The following ELOVL5 variants were observed in gnomAD, a reference collection of about 807,000 sequenced individuals.
ELOVL5 encodes very long chain fatty acid elongase 5.
A neutral mutation model predicts 38.6 loss-of-function variants in ELOVL5; 8 were observed. The ratio of observed to expected loss-of-function variants is 0.21; its 90% CI spans 0.12 to 0.37. ELOVL5 has a LOEUF of 0.37. Ranked by LOEUF, ELOVL5 falls within the 10% of genes least tolerant of loss-of-function variation. The pLI, the probability that ELOVL5 is intolerant of heterozygous loss-of-function variation, is 1.00. For missense variants in ELOVL5, 280 were observed against 367.8 expected (o/e 0.76, Z 1.95); for synonymous variants, 127 against 133.7 (o/e 0.95, Z 0.34).
chr6:53,270,451 G>T, intron 7 of ELOVL5, 142 bp downstream of exon 7: 1 of 829,108 alleles, frequency 1.2e-6, no homozygotes, highest in Non-Finnish European at 1.9e-6. Context: ...CCAGAGGCAG[G>T]GGCTGCTCTT....
At chr6:53,318,199 A>C (rs1431079614) in intron 1 of ELOVL5, among the ~76,000 whole-genome samples, 1 of 152,200 alleles carries the variant, frequency 6.6e-6, no homozygotes, top group Non-Finnish European at 1.5e-5. Flanking sequence ...TTTCCTATAG[A>C]AAATATGGAA....
intron 3 of ELOVL5, among the ~76,000 whole-genome samples, chr6:53,280,908 T>C (rs1051199405): frequency 2.6e-5 from 4 of 152,194 alleles, no homozygotes; most frequent in African/African-American, 9.7e-5. Flanking sequence ...AGTGAATCAT[T>C]TTTAACGGTG....
At chr6:53,296,128 A>C (rs1766993548) in intron 1 of ELOVL5, among the ~76,000 whole-genome samples, 1 of 152,108 alleles carries the variant, frequency 6.6e-6, no homozygotes, top group East Asian at 1.9e-4. Context: ...CAGTGACAAG[A>C]CAGTTTTTTC....
rs1308027989 is a variant in ELOVL5 at position 53,348,929 on chromosome 6, A to G, written c.-121T>C. The G allele has an allele frequency of 1.8e-5, 8 of 440,660 alleles. No homozygotes were observed. Among genetic ancestry groups the G allele is most frequent in the Admixed American group, 1.5e-4 (6 of 39,880 alleles). The allele number at this position is 440,660 out of a possible 1,614,324, so 27.3% of individuals were successfully genotyped here. On this transcript the variant is annotated 5_prime_UTR_variant, in exon 1 of 8. Transcript: ENST00000304434. The stretch of plus-strand genomic sequence containing the variant: ...GATGTAGAAGGAGACACCGGTGGCT[A>G]GGACCCGCGCGATGGGAAGAGGAAG...
rs570995760 is a variant in ELOVL5, at chr6:53,307,912, A to G, written c.-8-12205T>C. Reference sequence around the variant, plus strand: ...AAAAGGGGGCTGAGTTGCCAAAGTCACAGAGGTTGGGTGGAGCCAGAATTT... The same window carrying G: ...AAAAGGGGGCTGAGTTGCCAAAGTCGCAGAGGTTGGGTGGAGCCAGAATTT... On this transcript the variant is annotated intron_variant, in intron 1 of 7. Transcript: ENST00000304434. Among the ~76,000 whole-genome samples the G allele has an allele frequency of 3.8e-4, 58 of 152,336 alleles. No homozygotes were observed. In the East Asian group the frequency reaches 6.6e-3, roughly 17 times the overall value.
chr6:53,275,676 T>C (rs1203232377), intron 4 of ELOVL5, among the ~76,000 whole-genome samples: 1 of 152,152 alleles, frequency 6.6e-6, no homozygotes, highest in African/African-American at 2.4e-5. Context: ...ACCTGATAAG[T>C]GACACAGAAG....
chr6:53,339,194 A>G (rs1769214120), intron 1 of ELOVL5, among the ~76,000 whole-genome samples: 1 of 152,208 alleles, frequency 6.6e-6, no homozygotes, highest in African/African-American at 2.4e-5. Flanking sequence ...CTGTGTATTC[A>G]TCTCCTCTAT....
chr6:53,276,541 T>C (rs1352857643), intron 3 of ELOVL5, among the ~76,000 whole-genome samples: 1 of 152,178 alleles, frequency 6.6e-6, no homozygotes, highest in Non-Finnish European at 1.5e-5. Context: ...CGTCACCCCC[T>C]TGGTCCTAGC....
At chr6:53,273,409 A>C in intron 5 of ELOVL5, 65 bp from the exon 6 acceptor site, 1 of 1,425,612 alleles carries the variant, frequency 7.0e-7, no homozygotes, top group African/African-American at 1.4e-5. Context: ...AGGTGGTAAA[A>C]AAAAAAAAAA....
At chr6:53,301,833 A>G (rs1581951202) in intron 1 of ELOVL5, among the ~76,000 whole-genome samples, 1 of 152,308 alleles carries the variant, frequency 6.6e-6, no homozygotes, top group East Asian at 1.9e-4. Context: ...TTTGGTAACC[A>G]TGCAACTATA....
chr6:53,323,075 G>A (rs1314025093), intron 1 of ELOVL5, among the ~76,000 whole-genome samples: 3 of 152,198 alleles, frequency 2.0e-5, no homozygotes, highest in Non-Finnish European at 4.4e-5. Context: ...GCCTGCACTT[G>A]TTGGAAAATG....
intron 1 of ELOVL5, among the ~76,000 whole-genome samples, chr6:53,314,209 C>T (rs986254222): frequency 2.0e-5 from 3 of 152,178 alleles, no homozygotes; most frequent in African/African-American, 7.2e-5. Context: ...CTGAATATTC[C>T]GACTGGCTAA....
rs112961551 is a variant in ELOVL5, at chr6:53,293,517, C to T, written c.59-1554G>A. Among the ~76,000 whole-genome samples the T allele has an allele frequency of 5.3e-5, 8 of 152,148 alleles. 2 individuals are homozygous for T. The highest frequency in any genetic ancestry group is 1.9e-4 in the African/African-American group (8 of 41,496). ...AATTTTAGTAGAGACCAGGTTTCACCATATTGGTCAGGCTGGTCTGGAACT... is the reference window on the plus strand; with the variant it reads ...AATTTTAGTAGAGACCAGGTTTCACTATATTGGTCAGGCTGGTCTGGAACT... On this transcript the variant is annotated intron_variant, in intron 2 of 7. Transcript: ENST00000304434.
intron 6 of ELOVL5, 29 bp downstream of exon 6, chr6:53,273,191 G>A (rs770971103): frequency 5.0e-6 from 8 of 1,612,278 alleles, no homozygotes; most frequent in Non-Finnish European, 5.1e-6. Flanking sequence ...CAGGAAGTAA[G>A]TCCTGGGGAA....
intron 1 of ELOVL5, among the ~76,000 whole-genome samples, chr6:53,309,840 GCAGATCTTCTGGCCTGCTCAGCTT>G (rs1767756972): frequency 6.6e-6 from 1 of 152,222 alleles, no homozygotes; most frequent in Admixed American, 6.5e-5. Flanking sequence ...GAGCTCAGAA[GCAGATCTTCTGGCCTGCTCAGCTT>G]CAGATGAATG....
chr6:53,295,069 TTC>T (rs1391768157), intron 2 of ELOVL5, among the ~76,000 whole-genome samples: 1 of 152,258 alleles, frequency 6.6e-6, no homozygotes, highest in African/African-American at 2.4e-5. Context: ...GAAACTGAGA[TTC>T]TTTTTGTCTG....
chr6:53,300,392 G>A (rs1366288934), intron 1 of ELOVL5, among the ~76,000 whole-genome samples: 2 of 152,104 alleles, frequency 1.3e-5, no homozygotes. Flanking sequence ...TTGCAGGCTG[G>A]TGAGAAAGAC....
chr6:53,341,815 C>T (rs1457406179), intron 1 of ELOVL5, among the ~76,000 whole-genome samples: 1 of 152,146 alleles, frequency 6.6e-6, no homozygotes, highest in Non-Finnish European at 1.5e-5. Flanking sequence ...TTTTACTATG[C>T]TAATTAAATT....
At chr6:53,347,959 G>A (rs1309532695) in intron 1 of ELOVL5, among the ~76,000 whole-genome samples, 2 of 151,820 alleles carry the variant, frequency 1.3e-5, no homozygotes, top group African/African-American at 2.4e-5. Flanking sequence ...CAGTAAAAAG[G>A]CACTTTTCCT....
Sources: allele counts gnomAD v4.1 joint callset (sites outside exome capture counted in the v4.1 genomes callset), GRCh38; gene constraint gnomAD v4.1.1; transcripts MANE v1.5; gene names NCBI Gene and HGNC (gene_info 2026-07-23, HGNC 2026-07-21).